The following NTM variants were observed in gnomAD, a reference collection of about 807,000 sequenced individuals.
The protein encoded by NTM is IgLON family member 2.
A neutral mutation model predicts 42.1 loss-of-function variants in NTM; 13 were observed. That is an observed-to-expected ratio of 0.31 (90% CI 0.20 to 0.49). NTM has a LOEUF of 0.49. Among genes scored for constraint, NTM ranks in the 20% least tolerant of loss-of-function variants. The pLI is 0.99. For synonymous variants in NTM, 187 were observed against 179.2 expected (o/e 1.04, Z -0.35); for missense variants, 373 against 452.8 (o/e 0.82, Z 1.60).
intron 2 of NTM, among the ~76,000 whole-genome samples, chr11:131,933,979 G>A (rs1187348673): frequency 6.6e-6 from 1 of 152,152 alleles, no homozygotes; most frequent in Non-Finnish European, 1.5e-5. Context: ...GGTCTGAGAT[G>A]CAGAGACGTG....
chr11:131,933,878 T>C (rs2058915119), intron 2 of NTM, among the ~76,000 whole-genome samples: 1 of 151,998 alleles, frequency 6.6e-6, no homozygotes, highest in African/African-American at 2.4e-5. Context: ...AACTCTTTTT[T>C]TCTGGGGGGG....
chr11:131,522,291 C>T (rs1024677553), intron 1 of NTM, among the ~76,000 whole-genome samples: 9 of 151,616 alleles, frequency 5.9e-5, no homozygotes, highest in East Asian at 3.9e-4. Flanking sequence ...AAGCCCTGTA[C>T]GCTCTCAGTT....
intron 2 of NTM, among the ~76,000 whole-genome samples, chr11:132,087,782 C>A (rs1457106900): frequency 2.0e-5 from 3 of 152,118 alleles, no homozygotes; most frequent in Admixed American, 2.0e-4. Context: ...GGGGAAGAAC[C>A]TTTTGTTCCT....
chr11:131,888,908 AT>A (rs71067344), intron 1 of NTM, among the ~76,000 whole-genome samples: 21,166 of 143,254 alleles, frequency 0.15, 1,991 homozygotes, highest in African/African-American at 0.29. Context: ...ATTCCTCTTT[AT>A]TTTTTTTTTT....
chr11:131,982,799 A>C (rs1212320115), intron 2 of NTM, among the ~76,000 whole-genome samples: 1 of 152,194 alleles, frequency 6.6e-6, no homozygotes, highest in Non-Finnish European at 1.5e-5. Flanking sequence ...AGTAACTCAG[A>C]GCTTTGGAAA....
intron 1 of NTM, among the ~76,000 whole-genome samples, chr11:131,735,716 A>G (rs982489347): frequency 2.0e-5 from 3 of 152,146 alleles, no homozygotes; most frequent in African/African-American, 7.2e-5. Context: ...CCCTTAGCTC[A>G]GTCGCTCTTT....
At position 131,868,966 on chromosome 11, in the gene NTM, A is replaced by G. The variant is rs978029099; in HGVS notation, c.83-42598A>G. On this transcript the variant is annotated intron_variant, in intron 1 of 8. Transcript: ENST00000683400. ...GGAACTCAATAAAGTTTTGTGGGCAAATGAATACAAGTATTTGACCTTACA... is the reference window on the plus strand; with the variant it reads ...GGAACTCAATAAAGTTTTGTGGGCAGATGAATACAAGTATTTGACCTTACA... Among the ~76,000 whole-genome samples, 4 of 152,148 alleles carry G rather than the reference A, an allele frequency of 2.6e-5. No individual in the cohort carries two copies. The East Asian group carries it at 5.8e-4, about 22-fold the overall frequency.
intron 1 of NTM, among the ~76,000 whole-genome samples, chr11:131,823,761 G>A (rs1262483199): frequency 6.6e-6 from 1 of 152,166 alleles, no homozygotes; most frequent in African/African-American, 2.4e-5. Context: ...ACACCTTTGG[G>A]TTAGAGCAGT....
intron 1 of NTM, among the ~76,000 whole-genome samples, chr11:131,532,385 C>T (rs183583426): frequency 8.5e-4 from 129 of 152,278 alleles, no homozygotes; most frequent in African/African-American, 3.0e-3. Context: ...TATGTTGTAG[C>T]GGGTATCGGA....
chr11:131,521,094 G>A (rs1464566063), intron 1 of NTM, among the ~76,000 whole-genome samples: 1 of 152,022 alleles, frequency 6.6e-6, no homozygotes, highest in South Asian at 2.1e-4. Flanking sequence ...GGAGGCTGAG[G>A]TGGGTGGATC....
At chr11:132,256,025 C>T (rs1334789127) in intron 4 of NTM, among the ~76,000 whole-genome samples, 1 of 152,142 alleles carries the variant, frequency 6.6e-6, no homozygotes, top group East Asian at 1.9e-4. Context: ...GAGCTCCTCC[C>T]ACCTTCTCTT....
chr11:131,987,865 A>G (rs542090639), intron 2 of NTM, among the ~76,000 whole-genome samples: 7 of 152,358 alleles, frequency 4.6e-5, no homozygotes, highest in East Asian at 1.9e-4. Flanking sequence ...AGCATGTGCT[A>G]TATGCCAGCC....
At chr11:132,199,583 C>A (rs76800261) in intron 3 of NTM, among the ~76,000 whole-genome samples, 1 of 152,246 alleles carries the variant, frequency 6.6e-6, no homozygotes, top group East Asian at 1.9e-4. Context: ...GGGAGAAATT[C>A]CTTCCTGAGT....
intron 4 of NTM, among the ~76,000 whole-genome samples, chr11:132,300,624 A>C (rs1649935473): frequency 6.6e-6 from 1 of 152,192 alleles, no homozygotes; most frequent in African/African-American, 2.4e-5. Flanking sequence ...TTTAACACTG[A>C]TGGTTTCACC....
At chr11:132,211,931 A>T in intron 3 of NTM, 91 bp from the exon 4 acceptor site, 1 of 1,228,906 alleles carries the variant, frequency 8.1e-7, no homozygotes, top group Non-Finnish European at 1.1e-6. Flanking sequence ...CATATATTTT[A>T]CTCTCTGGAC....
intron 1 of NTM, among the ~76,000 whole-genome samples, chr11:131,768,142 G>A (rs1323676766): frequency 8.2e-6 from 1 of 122,480 alleles, no homozygotes; most frequent in Non-Finnish European, 1.6e-5. Flanking sequence ...TTTTTTTTGA[G>A]ACGGAGTCTT....
At chr11:132,329,798 A>G (rs893558669) in intron 7 of NTM, among the ~76,000 whole-genome samples, 5 of 152,260 alleles carry the variant, frequency 3.3e-5, no homozygotes, top group African/African-American at 9.6e-5. Context: ...TTGTTCTACA[A>G]AGCCTATTTG....
At chr11:131,489,731 C>T (rs1368106280) in intron 1 of NTM, among the ~76,000 whole-genome samples, 1 of 152,180 alleles carries the variant, frequency 6.6e-6, no homozygotes, top group East Asian at 1.9e-4. Flanking sequence ...TTTGCAATGC[C>T]TCAACATACA....
chr11:132,073,710 T>C (rs1339568851), intron 2 of NTM, among the ~76,000 whole-genome samples: 1 of 152,226 alleles, frequency 6.6e-6, no homozygotes, highest in East Asian at 1.9e-4. Flanking sequence ...TCCAGGTTCC[T>C]GTGTGGCCCA....
Sources: allele counts gnomAD v4.1 joint callset (sites outside exome capture counted in the v4.1 genomes callset), GRCh38; gene constraint gnomAD v4.1.1; transcripts MANE v1.5; gene names NCBI Gene and HGNC (gene_info 2026-07-23, HGNC 2026-07-21).